The following CTIF variants were observed in gnomAD, a reference collection of about 807,000 sequenced individuals.
CTIF encodes CBP80/20-dependent translation initiation factor.
A neutral mutation model predicts 66.0 loss-of-function variants in CTIF; 21 were observed. The ratio of observed to expected loss-of-function variants is 0.32; its 90% CI spans 0.23 to 0.46. The LOEUF is 0.46. CTIF is among the 20% of genes least tolerant of loss of function. The pLI is 1.00. For synonymous variants in CTIF, 345 were observed against 326.4 expected (o/e 1.06, Z -0.62); for missense variants, 739 against 812.7 (o/e 0.91, Z 1.10).
rs915781784 is a variant in CTIF at position 48,663,698 on chromosome 18, T to C, written c.253-54T>C. On this transcript the variant is annotated intron_variant, in intron 3 of 11. Coordinates refer to ENST00000256413, the MANE Select transcript of CTIF (RefSeq NM_014772.3). ...CCCCTCAGGCCCTGGCCCCGTGTTC[T>C]CAGCATCCTGGCCGAGCAATTAATG... 6 of 1,555,990 alleles carry C rather than the reference T, an allele frequency of 3.9e-6. No individual in the cohort carries two copies. The African/African-American group carries it at 6.8e-5, about 18-fold the overall frequency.
At chr18:48,829,951 T>C (rs944834010) in intron 10 of CTIF, among the ~76,000 whole-genome samples, 5 of 152,292 alleles carry the variant, frequency 3.3e-5, no homozygotes, top group Non-Finnish European at 7.4e-5. Context: ...TCCAGCTCCT[T>C]CTTGATGGCT....
intron 9 of CTIF, among the ~76,000 whole-genome samples, chr18:48,785,300 A>C (rs573541517): frequency 6.6e-6 from 1 of 152,342 alleles, no homozygotes; most frequent in East Asian, 1.9e-4. Flanking sequence ...TGGTTGCTCT[A>C]AGTGGCTACA....
intron 6 of CTIF, among the ~76,000 whole-genome samples, chr18:48,700,805 C>T (rs61445489): frequency 0.14 from 20,637 of 152,206 alleles, 1,864 homozygotes; most frequent in African/African-American, 0.25. Flanking sequence ...TTCCCCAGGG[C>T]CCATGCCCCT....
intron 3 of CTIF, among the ~76,000 whole-genome samples, chr18:48,645,469 A>G (rs2091013164): frequency 6.6e-6 from 1 of 152,094 alleles, no homozygotes; most frequent in East Asian, 1.9e-4. Context: ...CATCCCAGCC[A>G]AGACCAAGTG....
At chr18:48,675,980 T>C (rs998697071) in intron 6 of CTIF, among the ~76,000 whole-genome samples, 2 of 152,158 alleles carry the variant, frequency 1.3e-5, no homozygotes, top group Non-Finnish European at 2.9e-5. Flanking sequence ...GAAATCCGAA[T>C]TGCATATCCT....
chr18:48,797,826 A>G (rs924749776), intron 9 of CTIF, among the ~76,000 whole-genome samples: 3 of 152,134 alleles, frequency 2.0e-5, no homozygotes, highest in Non-Finnish European at 4.4e-5. Context: ...TTACTAACCT[A>G]TTCTCCAGAT....
Position 48,776,088 on chromosome 18 carries a change from C to T in CTIF, c.1371+14399C>T, listed in dbSNP as rs535845254. Among the ~76,000 whole-genome samples the T allele has an allele frequency of 1.4e-3, 214 of 152,360 alleles. 1 individual carries two copies. Among genetic ancestry groups the T allele is most frequent in the African/African-American group, 4.6e-3 (192 of 41,584 alleles). The stretch of plus-strand genomic sequence containing the variant: ...GTGGCAGAGTGGGCTGCTGAATCTG[C>T]GACCCTGGCCAGGCTCCAGGGCCTC... On this transcript the variant is annotated intron_variant, in intron 9 of 11. Transcript: ENST00000256413.
intron 7 of CTIF, among the ~76,000 whole-genome samples, chr18:48,738,164 C>T (rs947433692): frequency 4.6e-5 from 7 of 152,222 alleles, no homozygotes; most frequent in East Asian, 1.9e-4. Flanking sequence ...TCTCTCCACC[C>T]GCAGTGGACC....
At chr18:48,763,533 C>G (rs1010554865) in intron 9 of CTIF, among the ~76,000 whole-genome samples, 22 of 152,220 alleles carry the variant, frequency 1.4e-4, no homozygotes, top group African/African-American at 4.6e-4. Flanking sequence ...CCGTTTAACT[C>G]AACAAAGTCC....
At chr18:48,697,298 C>T (rs2092021547) in intron 6 of CTIF, among the ~76,000 whole-genome samples, 1 of 152,232 alleles carries the variant, frequency 6.6e-6, no homozygotes, top group Admixed American at 6.5e-5. Flanking sequence ...AAGTTTGTAG[C>T]TTGTTTGGGG....
intron 1 of CTIF, among the ~76,000 whole-genome samples, chr18:48,609,773 GGT>G (rs1217074518): frequency 1.3e-5 from 2 of 152,212 alleles, no homozygotes; most frequent in African/African-American, 4.8e-5. Context: ...CCCTGTCCCT[GGT>G]GCCTCTAGGG....
At chr18:48,630,358 T>G (rs547895939) in intron 2 of CTIF, among the ~76,000 whole-genome samples, 15 of 152,344 alleles carry the variant, frequency 9.8e-5, no homozygotes, top group Non-Finnish European at 1.9e-4. Context: ...TTGTTCATGA[T>G]TTCTTTTGTC....
chr18:48,570,241 G>A (rs1460879523), intron 1 of CTIF, among the ~76,000 whole-genome samples: 1 of 152,212 alleles, frequency 6.6e-6, no homozygotes, highest in East Asian at 1.9e-4. Context: ...CAGAGAAGCA[G>A]GTCATGATTC....
intron 6 of CTIF, among the ~76,000 whole-genome samples, chr18:48,674,080 C>T (rs566311925): frequency 6.6e-6 from 1 of 152,358 alleles, no homozygotes; most frequent in East Asian, 1.9e-4. Context: ...TCTGCCAAAT[C>T]TTCCTCTTTC....
chr18:48,574,074 G>A (rs1450064070), intron 1 of CTIF, among the ~76,000 whole-genome samples: 1 of 152,174 alleles, frequency 6.6e-6, no homozygotes, highest in African/African-American at 2.4e-5. Context: ...CCTCCTCTCA[G>A]CAAGACCTCC....
Position 48,863,081 on chromosome 18 carries a change from G to A in CTIF, c.*3522G>A, listed in dbSNP as rs886568272. ...CAGGACCTACCTCCCCAGAGCAAGG[G>A]CCTGGGGCTTCCCGCCAAAGCTGCC... On this transcript the variant is annotated 3_prime_UTR_variant, in exon 12 of 12. Transcript: ENST00000256413. The A allele has an allele frequency of 1.3e-5, 2 of 152,288 alleles. No homozygotes were observed. The highest frequency in any genetic ancestry group is 4.1e-4 in the South Asian group (2 of 4,836). 9.4% of individuals were successfully genotyped at this position (152,288 alleles called of 1,614,324 possible).
chr18:48,692,376 C>T (rs185334458), intron 6 of CTIF: 1 of 152,226 alleles, frequency 6.6e-6, no homozygotes, highest in Admixed American at 6.5e-5. Flanking sequence ...TTCTGGCTCA[C>T]CATACACGAA....
intron 9 of CTIF, among the ~76,000 whole-genome samples, chr18:48,813,402 C>T (rs76752204): frequency 5.1e-4 from 78 of 152,330 alleles, no homozygotes; most frequent in Non-Finnish European, 8.4e-4. Flanking sequence ...ATTAAGTTTT[C>T]ACGACACTGC....
At chr18:48,826,789 T>C (rs1214841452) in intron 10 of CTIF, 2 of 152,254 alleles carry the variant, frequency 1.3e-5, no homozygotes, top group African/African-American at 4.8e-5. Flanking sequence ...CGAAGTTTCC[T>C]AGTAGTACCA....
Sources: allele counts gnomAD v4.1 joint callset (sites outside exome capture counted in the v4.1 genomes callset), GRCh38; gene constraint gnomAD v4.1.1; transcripts MANE v1.5; gene names NCBI Gene and HGNC (gene_info 2026-07-23, HGNC 2026-07-21).